The following PCDHGA1 variants were observed in gnomAD, a reference collection of about 807,000 sequenced individuals.
The protein encoded by PCDHGA1 is protocadherin gamma subfamily A, 1, also known as protocadherin gamma-A1.
PCDHGA1 carries 32 observed loss-of-function variants against 58.0 expected under a neutral mutation model. The observed-to-expected ratio is 0.55, with a 90% confidence interval of 0.42 to 0.74. The LOEUF (loss-of-function observed/expected upper bound fraction) is 0.74, where lower values mean the gene tolerates loss of function less well. PCDHGA1 is among the 30% of genes least tolerant of loss of function. The pLI, the probability that PCDHGA1 is intolerant of heterozygous loss-of-function variation, is 0.00. For synonymous variants in PCDHGA1, 498 were observed against 501.1 expected (o/e 0.99, Z 0.08); for missense variants, 1,205 against 1,182.3 (o/e 1.02, Z -0.28).
intron 1 of PCDHGA1, among the ~76,000 whole-genome samples, chr5:141,453,779 C>T (rs138335951): frequency 0.013 from 2,000 of 152,278 alleles, 24 homozygotes; most frequent in Non-Finnish European, 0.021. Flanking sequence ...ATTTTAGTTA[C>T]CATGGTATAT....
In PCDHGA1 at chr5:141,360,411, A is replaced by G. The variant is rs528127616; in HGVS notation, c.2421+27306A>G. The G allele has an allele frequency of 1.4e-4, 229 of 1,614,036 alleles. 5 individuals carry two copies. In the South Asian group the frequency reaches 2.4e-3, roughly 17 times the overall value. The stretch of plus-strand genomic sequence containing the variant: ...TACTTGTGAGTGACAGAATAGACCG[A>G]GAACAGATATGCGGGAAGCAGCCTC... On this transcript the variant is annotated intron_variant, in intron 1 of 3. Coordinates refer to ENST00000517417, the MANE Select transcript of PCDHGA1 (RefSeq NM_018912.3).
At position 141,477,591 on chromosome 5, in the gene PCDHGA1, T is replaced by C; in HGVS notation, c.2422-17216T>C. On this transcript the variant is annotated intron_variant, in intron 1 of 3. Coordinates refer to ENST00000517417, the MANE Select transcript of PCDHGA1 (RefSeq NM_018912.3). This position sits in a 1 kb window ranked among gnomAD's most constrained non-coding sequence, Gnocchi z 4.9. Reference sequence around the variant, plus strand: ...CCCGACGCCCCGCAGAATGCTCGGCTTTCTTTCTTTCTCTTGGAGCAAGGA... The same window carrying C: ...CCCGACGCCCCGCAGAATGCTCGGCCTTCTTTCTTTCTCTTGGAGCAAGGA... The C allele has an allele frequency of 6.2e-7, 1 of 1,614,136 alleles. No homozygotes were observed. The highest frequency in any genetic ancestry group is 8.5e-7 in the Non-Finnish European group (1 of 1,180,016).
chr5:141,418,891 C>G (rs774546487), intron 1 of PCDHGA1: 4 of 1,613,842 alleles, frequency 2.5e-6, no homozygotes, highest in East Asian at 2.2e-5. Context: ...ACGACAACAG[C>G]CCAGAAATAA....
At chr5:141,421,184 C>G (rs2096551183) in intron 1 of PCDHGA1, 1 of 1,457,940 alleles carries the variant, frequency 6.9e-7, no homozygotes, top group African/African-American at 1.4e-5. Context: ...CGATTCACAA[C>G]CAACCAGCTC....
In PCDHGA1 at chr5:141,352,730, C is replaced by G. The variant is rs925966366; in HGVS notation, c.2421+19625C>G. 7.9e-6 allele frequency: 12 copies of G among 1,518,298 alleles called. No homozygotes were observed. The Admixed American group carries it at 1.2e-4, about 15-fold the overall frequency. 94.1% of individuals were successfully genotyped at this position (1,518,298 alleles called of 1,614,324 possible). A position where few individuals can be genotyped will look rare whatever the true frequency, so the allele number is the denominator to read the frequency against. Reference sequence around the variant, plus strand: ...GGCGGCCGGGCGCGGTGGCTCAAGCCTGTAATCCCAGCACTTAACCAGGCT... The same window carrying G: ...GGCGGCCGGGCGCGGTGGCTCAAGCGTGTAATCCCAGCACTTAACCAGGCT... On this transcript the variant is annotated intron_variant, in intron 1 of 3. Coordinates refer to ENST00000517417, the MANE Select transcript of PCDHGA1 (RefSeq NM_018912.3).
At chr5:141,366,530 G>A (rs1367752989) in intron 1 of PCDHGA1, 4 of 1,614,230 alleles carry the variant, frequency 2.5e-6, no homozygotes, top group African/African-American at 1.3e-5. Flanking sequence ...CAGGTTGGCG[G>A]GTGTGCCCGC....
At chr5:141,389,582 T>G (rs1266016569) in intron 1 of PCDHGA1, 7 of 1,613,028 alleles carry the variant, frequency 4.3e-6, no homozygotes, top group Non-Finnish European at 5.1e-6. Flanking sequence ...CCGCGCTGGG[T>G]CCCGACGGCT....
rs780664832 is a variant in PCDHGA1 at position 141,422,982 on chromosome 5, T to C, written c.2422-71825T>C. On this transcript the variant is annotated intron_variant, in intron 1 of 3. Coordinates refer to ENST00000517417, the MANE Select transcript of PCDHGA1 (RefSeq NM_018912.3). ...AGCTGGCGCCCCGCTCTGCGGAACC[T>C]GGCTACCTGGTGACCAAGGTGGTTG... 2.5e-6 allele frequency: 4 copies of C among 1,614,206 alleles called. No individual in the cohort carries two copies. The South Asian group carries it at 4.4e-5, about 18-fold the overall frequency.
At chr5:141,344,690 C>T (rs1561488400) in intron 1 of PCDHGA1, 2 of 1,613,972 alleles carry the variant, frequency 1.2e-6, no homozygotes, top group Non-Finnish European at 1.7e-6. Flanking sequence ...ATGGTGGCGA[C>T]CCTGTCCACT....
intron 1 of PCDHGA1, among the ~76,000 whole-genome samples, chr5:141,480,272 G>A (rs903112862): frequency 7.2e-6 from 1 of 138,796 alleles, no homozygotes; most frequent in African/African-American, 3.0e-5. Flanking sequence ...TTCATTAGCT[G>A]GGTGTGTTGG....
chr5:141,393,555 C>A lies in PCDHGA1; in HGVS notation c.2421+60450C>A. ...CCCGGTTTTTCCTCACCCGATTTAC[C>A]GAGTGAAAGTCCTTGAGAACATGCC... On this transcript the variant is annotated intron_variant, in intron 1 of 3. Transcript: ENST00000517417. The A allele has an allele frequency of 5.0e-6, 8 of 1,613,928 alleles. 1 individual carries two copies. Among genetic ancestry groups the A allele is most frequent in the Non-Finnish European group, 6.8e-6 (8 of 1,179,886 alleles).
At chr5:141,394,883 ACTCTAT>A in intron 1 of PCDHGA1, 1 of 1,611,724 alleles carries the variant, frequency 6.2e-7, no homozygotes, top group Non-Finnish European at 8.5e-7. Context: ...CGAGCCTTAC[ACTCTAT>A]CTCGTGGTGG....
At chr5:141,447,032 C>A (rs1412709585) in intron 1 of PCDHGA1, among the ~76,000 whole-genome samples, 1 of 149,498 alleles carries the variant, frequency 6.7e-6, no homozygotes, top group Admixed American at 6.6e-5. Context: ...TGTTTTTTTT[C>A]TGTGTCTGGA....
intron 1 of PCDHGA1, chr5:141,402,922 C>A: frequency 1.3e-6 from 2 of 1,576,446 alleles, no homozygotes; most frequent in Non-Finnish European, 8.6e-7. Flanking sequence ...GCACAGAGAT[C>A]CTTTTGAGAA....
At chr5:141,337,213 G>A (rs1756665725) in intron 1 of PCDHGA1, among the ~76,000 whole-genome samples, 1 of 152,198 alleles carries the variant, frequency 6.6e-6, no homozygotes, top group African/African-American at 2.4e-5. Flanking sequence ...AAATGGTATG[G>A]TGACTCCTCA....
rs1214796720 is a variant in PCDHGA1 at position 141,340,903 on chromosome 5, G to A, written c.2421+7798G>A. On this transcript the variant is annotated intron_variant, in intron 1 of 3. Coordinates refer to ENST00000517417, the MANE Select transcript of PCDHGA1 (RefSeq NM_018912.3). ...ACGCGCTCAAGCAGAGCCTCGTGGT[G>A]GCCATCCAGGACCACGGCCAGCCCC... 10 of 1,613,636 alleles carry A rather than the reference G, an allele frequency of 6.2e-6. No individual in the cohort carries two copies. The African/African-American group carries it at 1.3e-4, about 22-fold the overall frequency.
At chr5:141,419,548 G>C in intron 1 of PCDHGA1, 1 of 1,611,976 alleles carries the variant, frequency 6.2e-7, no homozygotes, top group Non-Finnish European at 8.5e-7. Context: ...CGCGGGTGCT[G>C]TACCCTGCGC....
At chr5:141,387,663 T>G (rs999949836) in intron 1 of PCDHGA1, 6 of 673,368 alleles carry the variant, frequency 8.9e-6, no homozygotes, top group Admixed American at 6.4e-5. Flanking sequence ...AGCTTGGCGC[T>G]CCAGATCTCC....
At position 141,423,201 on chromosome 5, in the gene PCDHGA1, C is replaced by T. The variant is rs749613139; in HGVS notation, c.2422-71606C>T. 24 of 1,613,628 alleles carry T rather than the reference C, an allele frequency of 1.5e-5. No homozygotes were observed. The South Asian group carries it at 1.5e-4, about 10-fold the overall frequency. ...ACGGCCAGCCCCCTCTCTCGGCCAC[C>T]GTCACGCTCACCGTGGCTGTGGCCG... On this transcript the variant is annotated intron_variant, in intron 1 of 3. Coordinates refer to ENST00000517417, the MANE Select transcript of PCDHGA1 (RefSeq NM_018912.3).
Sources: gnomAD v4.1 joint callset for allele counts (sites outside exome capture counted in the v4.1 genomes callset) on GRCh38, gnomAD v4.1.1 for gene constraint, Gnocchi (gnomAD v3.1) non-coding constraint, MANE v1.5 for transcripts, NCBI Gene and HGNC (gene_info 2026-07-23, HGNC 2026-07-21) for gene names.